Variants in SPATC1 observed in about 807,000 individuals in gnomAD.
SPATC1 encodes the protein spermatogenesis and centriole associated 1, also known as speriolin.
In SPATC1, 35 loss-of-function variants were observed where a neutral mutation model predicts 36.5. That is an observed-to-expected ratio of 0.96 (90% CI 0.73 to 1.27). The LOEUF (loss-of-function observed/expected upper bound fraction) is 1.27. SPATC1 is among the 50% of genes most tolerant of loss of function. SPATC1 has a pLI of 0.00. For missense variants in SPATC1, 779 were observed against 796.0 expected, an observed-to-expected ratio of 0.98 and a Z score of 0.26; for synonymous variants, 361 against 353.6, an observed-to-expected ratio of 1.02 and a Z score of -0.24.
chr8:144,015,517 G>A (rs1341408351), intron 1 of SPATC1, among the ~76,000 whole-genome samples: 15 of 150,948 alleles, frequency 9.9e-5, no homozygotes, highest in Admixed American at 7.9e-4. Flanking sequence ...TAAGGTGGGC[G>A]GATCACCTGA....
chr8:144,043,153 C>T (rs962311407), intron 4 of SPATC1, among the ~76,000 whole-genome samples: 4 of 151,944 alleles, frequency 2.6e-5, no homozygotes, highest in Non-Finnish European at 2.9e-5. Context: ...CCACCACACC[C>T]GGCTAATTTT....
At chr8:144,024,215 C>A (rs1163212060) in intron 1 of SPATC1, among the ~76,000 whole-genome samples, 1 of 150,092 alleles carries the variant, frequency 6.7e-6, no homozygotes, top group African/African-American at 2.5e-5. Flanking sequence ...TCAGGACCCT[C>A]TACCCTCAGG....
At chr8:144,030,952 G>A (rs1834781170) in intron 1 of SPATC1, among the ~76,000 whole-genome samples, 1 of 151,808 alleles carries the variant, frequency 6.6e-6, no homozygotes, top group African/African-American at 2.4e-5. Context: ...TGTTATTATT[G>A]TCACAAGTTA....
At position 144,041,018 on chromosome 8, in the gene SPATC1, G is replaced by A. The variant is rs782820649; in HGVS notation, c.1217G>A (p.Arg406His). The change falls in exon 3 of 5, where the codon CGC becomes CAC. Residue 406 changes from arginine (R) to histidine (H), a missense_variant. Coordinates refer to ENST00000377470, the MANE Select transcript of SPATC1 (RefSeq NM_198572.3). ...PASVNDSRGPRTTEPSTKSMM... is the reference protein window; with the variant it reads ...PASVNDSRGPHTTEPSTKSMM... ...TCAGTCAATGACTCTCGAGGTCCAC[G>A]CACCACAGAACCGTCGACGAAGAGC... The A allele has an allele frequency of 6.2e-6, 10 of 1,612,004 alleles. No homozygotes were observed. Among genetic ancestry groups the A allele is most frequent in the Admixed American group, 5.0e-5 (3 of 59,902 alleles).
Position 144,040,027 on chromosome 8 carries a change from G to A in SPATC1, c.330G>A (p.Pro110=), listed in dbSNP as rs200532623. Residue 110 remains proline, a synonymous_variant, in exon 2 of 5, where the codon CCG becomes CCA. Transcript: ENST00000377470. ...MLTSLQPSAT[P]GSLMSPLTGT... ...CCAGCTTGCAGCCCAGCGCCACACC[G>A]GGCTCACTCATGAGCCCCCTGACAG... is the stretch of plus-strand genomic sequence containing the variant. 2.6e-4 allele frequency: 414 copies of A among 1,613,710 alleles called. 2 individuals carry two copies. The East Asian group carries it at 6.9e-3, about 27-fold the overall frequency.
intron 1 of SPATC1, among the ~76,000 whole-genome samples, chr8:144,036,524 AT>A (rs1454931732): frequency 6.6e-6 from 1 of 152,098 alleles, no homozygotes; most frequent in African/African-American, 2.4e-5. Flanking sequence ...GAGTTTCACC[AT>A]GTTGCCCAGG....
At chr8:144,042,602 G>T (rs1554756283) in intron 4 of SPATC1, among the ~76,000 whole-genome samples, 3 of 151,892 alleles carry the variant, frequency 2.0e-5, no homozygotes, top group Admixed American at 6.6e-5. Flanking sequence ...GATGACAGGC[G>T]TGAGCCACCG....
upstream of SPATC1, among the ~76,000 whole-genome samples, chr8:144,011,639 T>C (rs1424132899): frequency 1.3e-5 from 2 of 152,058 alleles, no homozygotes; most frequent in African/African-American, 4.8e-5. The surrounding 1 kb of genome is among the most constrained non-coding windows in gnomAD (Gnocchi z 4.5). Context: ...AAGGGGAGCA[T>C]CATGAGGACT....
chr8:144,017,561 C>T (rs1834419633), intron 1 of SPATC1, among the ~76,000 whole-genome samples: 1 of 152,138 alleles, frequency 6.6e-6, no homozygotes, highest in Admixed American at 6.5e-5. Context: ...CAGGACAGAG[C>T]TCAGATGGGA....
In SPATC1 at chr8:144,046,655, T is replaced by C. The variant is rs1450041458; in HGVS notation, c.1475T>C (p.Leu492Pro). ...QASLNPSDHK[L>P]DEKLCQRLTQ... ...TCCCTGAACCCCAGTGACCACAAGCTGGATGAGAAGCTGTGCCAGAGGCTC... is the reference window on the plus strand; with the variant it reads ...TCCCTGAACCCCAGTGACCACAAGCCGGATGAGAAGCTGTGCCAGAGGCTC... The change falls in exon 5 of 5, where the codon CTG becomes CCG. Residue 492 changes from leucine (L) to proline (P), a missense_variant. Transcript: ENST00000377470. The surrounding 1 kb of genome is among the most constrained non-coding windows in gnomAD (Gnocchi z 6.6). 1.2e-6 allele frequency: 2 copies of C among 1,611,128 alleles called. No homozygotes were observed. Among genetic ancestry groups the C allele is most frequent in the Non-Finnish European group, 1.7e-6 (2 of 1,179,760 alleles).
intron 1 of SPATC1, among the ~76,000 whole-genome samples, chr8:144,022,645 C>G (rs1587495749): frequency 6.7e-6 from 1 of 149,878 alleles, no homozygotes; most frequent in Non-Finnish European, 1.5e-5. Context: ...CTTCAGGTCT[C>G]TCTCCCCTCA....
intron 1 of SPATC1, among the ~76,000 whole-genome samples, chr8:144,022,499 T>C (rs1199456323): frequency 0.11 from 744 of 6,946 alleles, 17 homozygotes; most frequent in Non-Finnish European, 0.14. Flanking sequence ...CCCCTCAAGA[T>C]CCTCCCCCCT....
In SPATC1 at chr8:144,047,005, C is replaced by A; in HGVS notation, c.*49C>A. ...TCGCTCAGCCCCACAGCCCTGTGCA[C>A]GGCCATTAAAGCTTCCCACAGACAC... On this transcript the variant is annotated 3_prime_UTR_variant, in exon 5 of 5. Coordinates refer to ENST00000377470, the MANE Select transcript of SPATC1 (RefSeq NM_198572.3). This position sits in a 1 kb window ranked among gnomAD's most constrained non-coding sequence, Gnocchi z 4.1. The A allele has an allele frequency of 6.4e-7, 1 of 1,551,494 alleles. No individual in the cohort carries two copies. The highest frequency in any genetic ancestry group is 8.7e-7 in the Non-Finnish European group (1 of 1,153,374).
At chr8:144,012,840 C>A in intron 1 of SPATC1, 114 bp downstream of exon 1, 2 of 1,095,386 alleles carry the variant, frequency 1.8e-6, no homozygotes, top group Non-Finnish European at 1.3e-6. Flanking sequence ...CTTCTCCTTG[C>A]CCTCTCTGCT....
intron 1 of SPATC1, among the ~76,000 whole-genome samples, chr8:144,017,153 A>C (rs1458677084): frequency 2.0e-5 from 3 of 152,020 alleles, no homozygotes; most frequent in Admixed American, 6.5e-5. Context: ...AGAAACCCTA[A>C]CTGCTTGGAT....
At chr8:144,012,209 G>A (rs782023204), upstream of SPATC1, among the ~76,000 whole-genome samples, 2 of 152,230 alleles carry the variant, frequency 1.3e-5, no homozygotes, top group African/African-American at 4.8e-5. Flanking sequence ...ATTAACTTGC[G>A]GTGGGGGAGA....
At chr8:144,042,311 A>ATATATATATATATATATATATTTT (rs1412021347) in intron 4 of SPATC1, among the ~76,000 whole-genome samples, 1 of 23,882 alleles carries the variant, frequency 4.2e-5, no homozygotes, top group African/African-American at 2.4e-4. Flanking sequence ...ATATATATAT[A>ATATATATATATATATATATATTTT]TTTTTTTTTT....
intron 4 of SPATC1, among the ~76,000 whole-genome samples, chr8:144,044,263 T>C (rs563244391): frequency 6.6e-6 from 1 of 151,756 alleles, no homozygotes; most frequent in Admixed American, 6.6e-5. Flanking sequence ...GCCTCATAGT[T>C]GAGCATCTTG....
intron 1 of SPATC1, among the ~76,000 whole-genome samples, chr8:144,014,915 G>T (rs2133095213): frequency 1.3e-5 from 2 of 152,372 alleles, no homozygotes; most frequent in South Asian, 4.1e-4. Context: ...GTGTGAATGA[G>T]TGTGTATGAA....
Sources: gnomAD v4.1 joint callset for allele counts (sites outside exome capture counted in the v4.1 genomes callset) on GRCh38, gnomAD v4.1.1 for gene constraint, Gnocchi (gnomAD v3.1) non-coding constraint, MANE v1.5 for transcripts, NCBI Gene and HGNC (gene_info 2026-07-23, HGNC 2026-07-21) for gene names.